Variants in BRINP1 observed in about 807,000 individuals in gnomAD.
The protein encoded by BRINP1 is BMP/retinoic acid-inducible neural-specific protein 1.
In BRINP1, 17 loss-of-function variants were observed where a neutral mutation model predicts 72.9. That is an observed-to-expected ratio of 0.23 (90% CI 0.16 to 0.35). BRINP1 has a LOEUF of 0.35. Ranked by LOEUF, BRINP1 falls within the 10% of genes least tolerant of loss-of-function variation. BRINP1 has a pLI of 1.00. For synonymous variants in BRINP1, 418 were observed against 378.5 expected, an observed-to-expected ratio of 1.10 and a Z score of -1.21; for missense variants, 850 against 1,001.6, an observed-to-expected ratio of 0.85 and a Z score of 2.04.
At chr9:119,236,689 C>T (rs1392218795) in intron 5 of BRINP1, among the ~76,000 whole-genome samples, 4 of 152,186 alleles carry the variant, frequency 2.6e-5, no homozygotes, top group African/African-American at 9.7e-5. Context: ...CTACAGGTAT[C>T]GCATGAACTA....
At chr9:119,203,508 A>G (rs1462823560) in intron 7 of BRINP1, among the ~76,000 whole-genome samples, 1 of 152,224 alleles carries the variant, frequency 6.6e-6, no homozygotes, top group Non-Finnish European at 1.5e-5. Flanking sequence ...ATTGAGTGCT[A>G]TCCATGTTCT....
intron 2 of BRINP1, among the ~76,000 whole-genome samples, chr9:119,254,290 G>C (rs1830423755): frequency 6.6e-6 from 1 of 152,148 alleles, no homozygotes; most frequent in Non-Finnish European, 1.5e-5. Flanking sequence ...ACGGGGAGGA[G>C]GCTGCGATGT....
At position 119,286,428 on chromosome 9, in the gene BRINP1, G is replaced by A. The variant is rs149015068; in HGVS notation, c.218+26710C>T. On this transcript the variant is annotated intron_variant, in intron 2 of 7. Coordinates refer to ENST00000265922, the MANE Select transcript of BRINP1 (RefSeq NM_014618.3). ...TTTTTGTATTTTTAGTAGAGATGGG[G>A]TTTCACCATGTTAGCCAGGATGGTC... Among the ~76,000 whole-genome samples the A allele has an allele frequency of 8.1e-3, 1,226 of 152,152 alleles. 13 individuals are homozygous for A. Among genetic ancestry groups the A allele is most frequent in the African/African-American group, 0.029 (1,184 of 41,498 alleles).
chr9:119,359,977 ATGTATCATTCCCAC>A (rs572707189), intron 1 of BRINP1, among the ~76,000 whole-genome samples: 83 of 152,352 alleles, frequency 5.4e-4, no homozygotes, highest in African/African-American at 2.0e-3. Flanking sequence ...CTCTGCCTAC[ATGTATCATTCCCAC>A]TGTCAGGGAA....
At chr9:119,218,746 A>G (rs1250798685) in intron 5 of BRINP1, among the ~76,000 whole-genome samples, 1 of 133,378 alleles carries the variant, frequency 7.5e-6, no homozygotes, top group Non-Finnish European at 1.6e-5. Flanking sequence ...AAACTCAGGG[A>G]TTTTTTTTTT....
chr9:119,349,072 C>T (rs936673250), intron 1 of BRINP1, among the ~76,000 whole-genome samples: 1 of 152,140 alleles, frequency 6.6e-6, no homozygotes, highest in South Asian at 2.1e-4. Flanking sequence ...GAACCCAAGT[C>T]TTCCAAGGCC....
chr9:119,359,358 G>A (rs973771918), intron 1 of BRINP1, among the ~76,000 whole-genome samples: 1 of 152,024 alleles, frequency 6.6e-6, no homozygotes, highest in Non-Finnish European at 1.5e-5. Context: ...ACCACATCTG[G>A]CTAATTATTT....
intron 2 of BRINP1, among the ~76,000 whole-genome samples, chr9:119,274,159 C>A (rs902764379): frequency 6.6e-6 from 1 of 152,198 alleles, no homozygotes; most frequent in Non-Finnish European, 1.5e-5. Flanking sequence ...GTTGCCCAGC[C>A]AAGGAAACCT....
chr9:119,219,357 T>C (rs1171871227), intron 5 of BRINP1, among the ~76,000 whole-genome samples: 1 of 152,150 alleles, frequency 6.6e-6, no homozygotes, highest in African/African-American at 2.4e-5. Context: ...ATGCTAAGAA[T>C]GCATTTTCTT....
intron 2 of BRINP1, among the ~76,000 whole-genome samples, chr9:119,277,286 G>A (rs77936935): frequency 0.029 from 4,450 of 151,968 alleles, 141 homozygotes; most frequent in Non-Finnish European, 0.033. Flanking sequence ...TCGCTCTTTC[G>A]TCCAATGCAT....
At chr9:119,229,718 G>A (rs1830128954) in intron 5 of BRINP1, among the ~76,000 whole-genome samples, 1 of 152,092 alleles carries the variant, frequency 6.6e-6, no homozygotes, top group African/African-American at 2.4e-5. Context: ...GTAGCACAGA[G>A]AATGGCATAC....
At chr9:119,314,851 C>G (rs1831109302) in intron 1 of BRINP1, among the ~76,000 whole-genome samples, 1 of 152,108 alleles carries the variant, frequency 6.6e-6, no homozygotes, top group South Asian at 2.1e-4. Context: ...TAATTGCTCC[C>G]TCTTGTGCCT....
chr9:119,204,310 G>T (rs1281969902), intron 7 of BRINP1, among the ~76,000 whole-genome samples: 5 of 152,156 alleles, frequency 3.3e-5, no homozygotes, highest in Non-Finnish European at 7.4e-5. Context: ...AAATTTTGGG[G>T]TGAATTGTTT....
intron 7 of BRINP1, among the ~76,000 whole-genome samples, chr9:119,205,804 GA>G (rs1299796350): frequency 1.2e-4 from 19 of 152,102 alleles, no homozygotes; most frequent in Admixed American, 3.3e-4. Context: ...TTTCTGAGAT[GA>G]CAATCACCGT....
intron 3 of BRINP1, among the ~76,000 whole-genome samples, chr9:119,246,452 T>TC (rs564552234): frequency 9.8e-4 from 149 of 152,322 alleles, no homozygotes; most frequent in Non-Finnish European, 1.6e-3. Flanking sequence ...AACATCGGAC[T>TC]CCAAGTTCTT....
intron 7 of BRINP1, among the ~76,000 whole-genome samples, chr9:119,187,207 C>G (rs1276335041): frequency 6.6e-6 from 1 of 151,722 alleles, no homozygotes; most frequent in African/African-American, 2.4e-5. Context: ...ATCATAGGAC[C>G]CCAGTTCCAT....
intron 2 of BRINP1, among the ~76,000 whole-genome samples, chr9:119,260,577 T>C (rs1830485934): frequency 6.6e-6 from 1 of 152,174 alleles, no homozygotes; most frequent in Non-Finnish European, 1.5e-5. Flanking sequence ...ATTCTCTTGC[T>C]CCCAAAATGT....
intron 2 of BRINP1, among the ~76,000 whole-genome samples, chr9:119,262,085 G>A (rs1009829877): frequency 1.6e-4 from 25 of 152,140 alleles, no homozygotes; most frequent in African/African-American, 6.0e-4. Flanking sequence ...AGCACCCCAG[G>A]AGCTGGTTGT....
intron 7 of BRINP1, among the ~76,000 whole-genome samples, chr9:119,174,798 T>G (rs571145057): frequency 6.6e-6 from 1 of 151,512 alleles, no homozygotes; most frequent in African/African-American, 2.4e-5. Context: ...TAAAAAATGA[T>G]GAGTTCATGT....
Sources: gnomAD v4.1 joint callset for allele counts (sites outside exome capture counted in the v4.1 genomes callset) on GRCh38, gnomAD v4.1.1 for gene constraint, MANE v1.5 for transcripts, NCBI Gene and HGNC (gene_info 2026-07-23, HGNC 2026-07-21) for gene names.